TDRD12: variants seen among roughly 807,000 people sequenced by gnomAD.
The protein encoded by TDRD12 is putative ATP-dependent RNA helicase TDRD12.
Under a neutral mutation model 133.5 loss-of-function variants are expected in TDRD12, and 158 were observed. The ratio of observed to expected loss-of-function variants is 1.18; its 90% CI spans 1.04 to 1.35. TDRD12 has a LOEUF of 1.35. Among genes scored for constraint, TDRD12 ranks in the 40% most tolerant of loss-of-function variants. The pLI is 0.00. For missense variants in TDRD12, 1,443 were observed against 1,321.3 expected (o/e 1.09, Z -1.43); for synonymous variants, 460 against 477.9 (o/e 0.96, Z 0.49).
chr19:32,743,225 G>A (rs778953374), intron 4 of TDRD12, among the ~76,000 whole-genome samples: 4 of 152,138 alleles, frequency 2.6e-5, no homozygotes, highest in African/African-American at 7.2e-5. Flanking sequence ...CCTTTTGCCC[G>A]GGCTGTAGTG....
chr19:32,725,289 C>T (rs1968821965), intron 1 of TDRD12, among the ~76,000 whole-genome samples: 1 of 150,854 alleles, frequency 6.6e-6, no homozygotes. Context: ...TTGCCGTTGC[C>T]TATGTGTTGA....
chr19:32,787,059 G>C (rs1311495287), intron 11 of TDRD12, among the ~76,000 whole-genome samples: 2 of 152,132 alleles, frequency 1.3e-5, no homozygotes. Flanking sequence ...CCATCTTTGT[G>C]GTTTTATCTA....
rs375379891 is a variant in TDRD12, at chr19:32,739,362, ACCTGGCTGCTCTCTGCATCT to A, written c.320+396_320+415del. The stretch of plus-strand genomic sequence containing the variant: ...CTCTGCATCTCCTGGGTTCTCTATC[ACCTGGCTGCTCTCTGCATCT>A]CCTGGCTGCTCTCTGCATCTCCTGG... On this transcript the variant is annotated intron_variant, in intron 3 of 27. Coordinates refer to ENST00000444215, the Ensembl canonical transcript of TDRD12. 6.1e-3 allele frequency among the ~76,000 whole-genome samples: 798 copies of A among 131,452 alleles called. 6 individuals carry two copies. Among genetic ancestry groups the A allele is most frequent in the African/African-American group, 0.021 (721 of 33,650 alleles). The allele number at this position is 131,452 out of a possible 152,430, so 86.2% of individuals were successfully genotyped here. A position where few individuals can be genotyped will look rare whatever the true frequency, so the allele number is the denominator to read the frequency against.
chr19:32,761,101 A>T (rs1015146487), intron 8 of TDRD12, among the ~76,000 whole-genome samples: 5 of 151,970 alleles, frequency 3.3e-5, no homozygotes, highest in African/African-American at 1.2e-4. Context: ...GCATTTAGAG[A>T]AGACGTTTCT....
At chr19:32,728,988 G>A (rs1053104540) in intron 1 of TDRD12, among the ~76,000 whole-genome samples, 3 of 150,176 alleles carry the variant, frequency 2.0e-5, no homozygotes, top group African/African-American at 7.3e-5. Context: ...GTTTTCCACA[G>A]CTTGTGTGTG....
chr19:32,762,663 A>C (rs1970184096), intron 8 of TDRD12, among the ~76,000 whole-genome samples: 1 of 152,212 alleles, frequency 6.6e-6, no homozygotes, highest in Admixed American at 6.5e-5. Context: ...CTGTGCCTCG[A>C]GTACTTTTCC....
intron 8 of TDRD12, among the ~76,000 whole-genome samples, 198 bp downstream of exon 8, chr19:32,757,328 A>G (rs1481900955): frequency 6.6e-6 from 1 of 152,214 alleles, no homozygotes; most frequent in African/African-American, 2.4e-5. Context: ...ACTGTCACGT[A>G]AAGAACATAA....
intron 22 of TDRD12, among the ~76,000 whole-genome samples, chr19:32,808,098 A>G (rs1245395379): frequency 6.6e-6 from 1 of 152,232 alleles, no homozygotes; most frequent in Non-Finnish European, 1.5e-5. Flanking sequence ...CAGTGATTAC[A>G]TGAATCTTTT....
At chr19:32,781,638 C>T (rs989036405) in intron 11 of TDRD12, among the ~76,000 whole-genome samples, 10 of 152,134 alleles carry the variant, frequency 6.6e-5, no homozygotes, top group Middle Eastern at 3.4e-3. Flanking sequence ...AGTGTAGAGA[C>T]GTCCACTCTA....
In TDRD12 at chr19:32,742,915, T is replaced by G; in HGVS notation, c.440+15T>G. On this transcript the variant is annotated intron_variant, in intron 4 of 27. Transcript: ENST00000444215. The stretch of plus-strand genomic sequence containing the variant: ...ACTGACATTGTGTAAGTACAGTTTC[T>G]TAAGTCCTTCGAATCATTAGTAAAA... 1 of 1,548,676 alleles carries G rather than the reference T, an allele frequency of 6.5e-7. No homozygotes were observed. Among genetic ancestry groups the G allele is most frequent in the Non-Finnish European group, 8.7e-7 (1 of 1,146,316 alleles).
At chr19:32,802,961 G>T in exon 21 of TDRD12, 1 of 1,536,042 alleles carries the variant, frequency 6.5e-7, no homozygotes, top group South Asian at 1.2e-5. Context: ...AGCCAAATCT[G>T]TCTTGCTGCT....
intron 8 of TDRD12, among the ~76,000 whole-genome samples, chr19:32,769,910 A>G (rs972360526): frequency 6.6e-6 from 1 of 152,096 alleles, no homozygotes; most frequent in African/African-American, 2.4e-5. Context: ...TGTTGGGATT[A>G]TAGGCATGAG....
downstream of TDRD12, among the ~76,000 whole-genome samples, chr19:32,823,682 GAACCACTGGA>G (rs1457451153): frequency 6.6e-6 from 1 of 152,192 alleles, no homozygotes; most frequent in Non-Finnish European, 1.5e-5. Context: ...CGCTGTGTGG[GAACCACTGGA>G]AAAGGGTTCT....
At chr19:32,781,239 G>A (rs1970757141) in intron 11 of TDRD12, among the ~76,000 whole-genome samples, 1 of 152,154 alleles carries the variant, frequency 6.6e-6, no homozygotes, top group Admixed American at 6.5e-5. Flanking sequence ...ACCGCGCTCG[G>A]CCATTTTTAA....
At chr19:32,736,146 A>G (rs182691818) in intron 2 of TDRD12, among the ~76,000 whole-genome samples, 1 of 152,330 alleles carries the variant, frequency 6.6e-6, no homozygotes, top group East Asian at 1.9e-4. Context: ...TATCTGCTCT[A>G]CGAATGGAAC....
At chr19:32,748,919 T>C (rs568633771) in intron 5 of TDRD12, among the ~76,000 whole-genome samples, 1 of 152,406 alleles carries the variant, frequency 6.6e-6, no homozygotes. Flanking sequence ...ATTTATTGTG[T>C]AATATTCATT....
At chr19:32,821,051 T>A in exon 28 of TDRD12, 1 of 1,535,890 alleles carries the variant, frequency 6.5e-7, no homozygotes, top group Non-Finnish European at 8.7e-7. Flanking sequence ...CAGCAGAAGA[T>A]GCTGCTTGCC....
chr19:32,777,110 G>T, intron 10 of TDRD12, 39 bp from the exon 11 acceptor site: 1 of 1,389,374 alleles, frequency 7.2e-7, no homozygotes, highest in Non-Finnish European at 9.8e-7. Flanking sequence ...CCAGGCTGCT[G>T]TTCACAAATT....
At chr19:32,777,847 ATATATATATATTTTTTTTTTTTTT>A (rs1297798410) in intron 11 of TDRD12, among the ~76,000 whole-genome samples, 17 of 14,508 alleles carry the variant, frequency 1.2e-3, no homozygotes, top group East Asian at 6.0e-3. Flanking sequence ...ATATATATAT[ATATATATATATTTTTTTTTTTTTT>A]TTTTTTTTTT....
Sources: allele counts gnomAD v4.1 joint callset (sites outside exome capture counted in the v4.1 genomes callset), GRCh38; gene constraint gnomAD v4.1.1; transcripts MANE v1.5; gene names NCBI Gene and HGNC (gene_info 2026-07-23, HGNC 2026-07-21).